Variants in DLG1 observed in about 807,000 individuals in gnomAD.
DLG1 encodes discs large MAGUK scaffold protein 1, also known as disks large homolog 1.
A neutral mutation model predicts 123.4 loss-of-function variants in DLG1; 42 were observed. The ratio of observed to expected loss-of-function variants is 0.34; its 90% CI spans 0.27 to 0.44. DLG1 has a LOEUF of 0.44. Among genes scored for constraint, DLG1 ranks in the 20% least tolerant of loss-of-function variants. The pLI, the probability that DLG1 is intolerant of heterozygous loss-of-function variation, is 1.00. For synonymous variants in DLG1, 317 were observed against 356.2 expected, an observed-to-expected ratio of 0.89 and a Z score of 1.24; for missense variants, 942 against 1,082.6, an observed-to-expected ratio of 0.87 and a Z score of 1.82.
intron 5 of DLG1, among the ~76,000 whole-genome samples, chr3:197,163,600 G>T (rs1221478219): frequency 6.7e-6 from 1 of 149,828 alleles, no homozygotes; most frequent in Non-Finnish European, 1.5e-5. Context: ...TCAGCTCACT[G>T]TAACGTCCGC....
chr3:197,282,644 C>A, intron 4 of DLG1, 35 bp downstream of exon 4: 3 of 1,419,570 alleles, frequency 2.1e-6, no homozygotes, highest in South Asian at 3.6e-5. Context: ...AATTGATCAC[C>A]AAAAAACAGC....
intron 5 of DLG1, among the ~76,000 whole-genome samples, chr3:197,160,252 A>G (rs1274425924): frequency 1.3e-5 from 2 of 152,162 alleles, no homozygotes; most frequent in Non-Finnish European, 2.9e-5. Context: ...AGGAAAAGAC[A>G]GGCTCCCAAA....
At chr3:197,060,093 G>T in intron 22 of DLG1, 95 bp from the exon 23 acceptor site, 2 of 727,712 alleles carry the variant, frequency 2.7e-6, no homozygotes, top group Non-Finnish European at 4.4e-6. Context: ...TCTAAATCAT[G>T]ATCTGTTTCG....
At chr3:197,106,421 C>T (rs1204687924) in intron 13 of DLG1, among the ~76,000 whole-genome samples, 1 of 146,148 alleles carries the variant, frequency 6.8e-6, no homozygotes, top group Non-Finnish European at 1.5e-5. Flanking sequence ...AGCCAGCCCC[C>T]CCCACCCCCC....
intron 4 of DLG1, among the ~76,000 whole-genome samples, chr3:197,242,869 C>T (rs1010500032): frequency 1.3e-5 from 2 of 152,056 alleles, no homozygotes; most frequent in African/African-American, 4.8e-5. Context: ...TTTGGGAGGT[C>T]ACAGCAGGAT....
chr3:197,066,024 T>C (rs1439121088), intron 20 of DLG1, among the ~76,000 whole-genome samples: 1 of 152,226 alleles, frequency 6.6e-6, no homozygotes, highest in Non-Finnish European at 1.5e-5. Context: ...AGAAGTCATA[T>C]TGATAATTCA....
chr3:197,232,343 G>A (rs560251169), intron 4 of DLG1, among the ~76,000 whole-genome samples: 2 of 138,530 alleles, frequency 1.4e-5, no homozygotes, highest in South Asian at 5.0e-4. Flanking sequence ...CAGCATGGAT[G>A]ACAGAGACCT....
At chr3:197,095,005 A>C (rs775386397) in intron 14 of DLG1, among the ~76,000 whole-genome samples, 2 of 152,084 alleles carry the variant, frequency 1.3e-5, no homozygotes, top group Non-Finnish European at 2.9e-5. Flanking sequence ...TTGTCTATGC[A>C]TTTTCTAGCA....
At chr3:197,281,155 A>G (rs1253771165) in intron 4 of DLG1, among the ~76,000 whole-genome samples, 1 of 151,694 alleles carries the variant, frequency 6.6e-6, no homozygotes, top group Non-Finnish European at 1.5e-5. Flanking sequence ...CTCCTGCCTC[A>G]GCCTCCCTGG....
chr3:197,263,792 A>G (rs1423698120), intron 4 of DLG1, among the ~76,000 whole-genome samples: 1 of 152,110 alleles, frequency 6.6e-6, no homozygotes, highest in Non-Finnish European at 1.5e-5. Context: ...ATCTCAAAAG[A>G]AAAAGAAAAA....
At chr3:197,091,848 C>T (rs913716974) in intron 14 of DLG1, among the ~76,000 whole-genome samples, 6 of 152,068 alleles carry the variant, frequency 3.9e-5, no homozygotes, top group Non-Finnish European at 8.8e-5. Flanking sequence ...TGTCTTACAG[C>T]AAATAACTTC....
intron 4 of DLG1, among the ~76,000 whole-genome samples, chr3:197,249,707 A>T (rs1297873463): frequency 6.6e-6 from 1 of 152,250 alleles, no homozygotes; most frequent in Non-Finnish European, 1.5e-5. Context: ...TATTAAAAGG[A>T]TCACGCATCA....
chr3:197,168,128 C>T (rs1802316454), intron 5 of DLG1, among the ~76,000 whole-genome samples: 1 of 152,226 alleles, frequency 6.6e-6, no homozygotes, highest in Non-Finnish European at 1.5e-5. Context: ...CCACTTGTAA[C>T]CCTCTGTCTC....
intron 3 of DLG1, among the ~76,000 whole-genome samples, chr3:197,283,876 T>G (rs956720453): frequency 1.9e-4 from 29 of 150,206 alleles, no homozygotes; most frequent in Non-Finnish European, 1.5e-4. Context: ...TTTTTTTTTT[T>G]TTTGAGACAG....
At chr3:197,266,497 A>G (rs1007813918) in intron 4 of DLG1, among the ~76,000 whole-genome samples, 2 of 152,018 alleles carry the variant, frequency 1.3e-5, no homozygotes, top group Admixed American at 6.6e-5. Flanking sequence ...GTGTAGCCCC[A>G]GGTACTTGGG....
rs748871226 is a variant in DLG1, at chr3:197,043,057, A to G, written c.*1566T>C. 3.9e-5 allele frequency: 6 copies of G among 152,248 alleles called. No homozygotes were observed. The highest frequency in any genetic ancestry group is 7.3e-5 in the Non-Finnish European group (5 of 68,048). The allele number at this position is 152,248 out of a possible 1,614,324, so 9.4% of individuals were successfully genotyped here. ...GGAGGTTGTCAAAAACACATATTTA[A>G]TAAACAACTCCAAAGAGCAATGGGA... On this transcript the variant is annotated 3_prime_UTR_variant, in exon 25 of 25. Coordinates refer to ENST00000667157, the MANE Select transcript of DLG1 (RefSeq NM_001366207.1).
At position 197,190,964 on chromosome 3, in the gene DLG1, C is replaced by T. The variant is rs188856084; in HGVS notation, c.483+3461G>A. Among the ~76,000 whole-genome samples the T allele has an allele frequency of 1.3e-4, 20 of 152,214 alleles. No individual in the cohort carries two copies. The East Asian group carries it at 2.9e-3, about 22-fold the overall frequency. ...GGCGGAGCTTGCAGTGAGCCGAGAT[C>T]GCGCCACTGCACTCCAGCCTGGGCG... On this transcript the variant is annotated intron_variant, in intron 5 of 24. Coordinates refer to ENST00000667157, the MANE Select transcript of DLG1 (RefSeq NM_001366207.1).
At chr3:197,055,717 G>C (rs1258553526) in intron 23 of DLG1, among the ~76,000 whole-genome samples, 1 of 152,114 alleles carries the variant, frequency 6.6e-6, no homozygotes, top group Non-Finnish European at 1.5e-5. Flanking sequence ...GTGGTGTGGG[G>C]GGAAGAGGGA....
chr3:197,209,649 T>C (rs563438193), intron 4 of DLG1, among the ~76,000 whole-genome samples: 1 of 146,674 alleles, frequency 6.8e-6, no homozygotes, highest in East Asian at 2.0e-4. Flanking sequence ...TTTAAAAGGA[T>C]TGAAATCACA....
Sources: gnomAD v4.1 joint callset for allele counts (sites outside exome capture counted in the v4.1 genomes callset) on GRCh38, gnomAD v4.1.1 for gene constraint, MANE v1.5 for transcripts, NCBI Gene and HGNC (gene_info 2026-07-23, HGNC 2026-07-21) for gene names.